Variants in THRB observed in about 807,000 individuals in gnomAD.
The protein encoded by THRB is nuclear receptor subfamily 1 group A member 2.
THRB carries 12 observed loss-of-function variants against 47.8 expected under a neutral mutation model. That is an observed-to-expected ratio of 0.25 (90% CI 0.16 to 0.41). The LOEUF is 0.41. Among genes scored for constraint, THRB ranks in the 10% least tolerant of loss-of-function variants. The probability of loss-of-function intolerance (pLI) is 1.00; values close to 1 mark genes in which losing one functional copy is unlikely to be tolerated. For missense variants in THRB, 348 were observed against 589.2 expected (o/e 0.59, Z 4.24); for synonymous variants, 218 against 212.2 (o/e 1.03, Z -0.24).
intron 2 of THRB, among the ~76,000 whole-genome samples, chr3:24,304,654 G>T (rs1320255724): frequency 3.3e-5 from 5 of 151,904 alleles, no homozygotes; most frequent in Non-Finnish European, 7.4e-5. Flanking sequence ...CCTAAATAAA[G>T]TATGAAGAAG....
intron 1 of THRB, among the ~76,000 whole-genome samples, chr3:24,453,197 TAGCAGCAACAGTTATTAA>T (rs2072838377): frequency 6.6e-6 from 1 of 152,196 alleles, no homozygotes; most frequent in East Asian, 1.9e-4. Context: ...AAACAATTAA[TAGCAGCAACAGTTATTAA>T]AGCATTCACT....
At chr3:24,195,352 T>C (rs777930073) in intron 4 of THRB, among the ~76,000 whole-genome samples, 1 of 152,230 alleles carries the variant, frequency 6.6e-6, no homozygotes, top group Non-Finnish European at 1.5e-5. Flanking sequence ...TATTAACCGA[T>C]ATGTTCTCCT....
intron 3 of THRB, among the ~76,000 whole-genome samples, chr3:24,280,451 A>C (rs1184582355): frequency 6.6e-6 from 1 of 152,182 alleles, no homozygotes; most frequent in Non-Finnish European, 1.5e-5. Flanking sequence ...CACCATCATC[A>C]AAGACCAAAA....
At chr3:24,423,515 C>G (rs1362699569) in intron 1 of THRB, among the ~76,000 whole-genome samples, 1 of 151,648 alleles carries the variant, frequency 6.6e-6, no homozygotes, top group Non-Finnish European at 1.5e-5. Context: ...AAATTTGAAA[C>G]ACAACTTGTT....
chr3:24,174,183 T>C (rs879123326), intron 5 of THRB, among the ~76,000 whole-genome samples: 1 of 152,230 alleles, frequency 6.6e-6, no homozygotes, highest in South Asian at 2.1e-4. Flanking sequence ...TGTAGCCACA[T>C]TTTTTTAATA....
intron 3 of THRB, among the ~76,000 whole-genome samples, chr3:24,280,521 G>T (rs1465646912): frequency 2.0e-5 from 3 of 152,192 alleles, no homozygotes; most frequent in African/African-American, 7.2e-5. Context: ...ACTCTAAAAA[G>T]CAGAGCGCCT....
intron 3 of THRB, among the ~76,000 whole-genome samples, chr3:24,272,290 G>C (rs950393505): frequency 1.3e-5 from 2 of 151,972 alleles, no homozygotes; most frequent in African/African-American, 4.8e-5. Flanking sequence ...AGGCAACAGT[G>C]AGTAGTGATC....
chr3:24,385,229 G>C (rs950458438), intron 1 of THRB, among the ~76,000 whole-genome samples: 3 of 152,078 alleles, frequency 2.0e-5, no homozygotes, highest in African/African-American at 7.2e-5. Context: ...CATTTGAAAT[G>C]CTCAATTTTA....
intron 8 of THRB, among the ~76,000 whole-genome samples, chr3:24,137,891 G>A (rs1189531291): frequency 6.6e-6 from 1 of 152,106 alleles, no homozygotes; most frequent in African/African-American, 2.4e-5. Context: ...GAGGCCTAGA[G>A]AATTACAGTT....
intron 3 of THRB, among the ~76,000 whole-genome samples, chr3:24,271,555 A>AT (rs942961927): frequency 3.6e-4 from 54 of 151,660 alleles, no homozygotes; most frequent in African/African-American, 1.3e-3. Flanking sequence ...TTCTATTATT[A>AT]TTTTTTTTCC....
chr3:24,234,673 C>T (rs1435894493), intron 3 of THRB, among the ~76,000 whole-genome samples: 1 of 152,126 alleles, frequency 6.6e-6, no homozygotes, highest in Non-Finnish European at 1.5e-5. Flanking sequence ...AAGAGCTGAA[C>T]AAGAGGGATA....
intron 1 of THRB, among the ~76,000 whole-genome samples, chr3:24,493,788 TA>T (rs1698561347): frequency 6.6e-6 from 1 of 152,250 alleles, no homozygotes; most frequent in African/African-American, 2.4e-5. Flanking sequence ...TCCCCCTCCT[TA>T]AAATAAATAA....
chr3:24,204,391 A>G (rs983283465), intron 4 of THRB, among the ~76,000 whole-genome samples: 1 of 152,252 alleles, frequency 6.6e-6, no homozygotes, highest in Non-Finnish European at 1.5e-5. Flanking sequence ...CCAGGCAAAC[A>G]GGGTCTAGAG....
At chr3:24,390,327 T>C (rs185775577) in intron 1 of THRB, among the ~76,000 whole-genome samples, 1 of 152,292 alleles carries the variant, frequency 6.6e-6, no homozygotes, top group Non-Finnish European at 1.5e-5. Context: ...TTTCGAACAC[T>C]CCTATGCTTG....
intron 4 of THRB, among the ~76,000 whole-genome samples, chr3:24,227,395 G>A (rs1191793742): frequency 6.6e-6 from 1 of 152,194 alleles, no homozygotes; most frequent in Non-Finnish European, 1.5e-5. Flanking sequence ...TGACGTAGAA[G>A]GAGTGCGATT....
chr3:24,399,066 C>T lies in THRB; in HGVS notation c.-260-61695G>A, dbSNP rs377191512. On this transcript the variant is annotated intron_variant, in intron 1 of 10. Transcript: ENST00000646209. ...ACACAGGAAGGGGAACATCACACAC[C>T]GGGGCCTGTTGTGGGGTGGGGGGAG... 2.9e-4 allele frequency among the ~76,000 whole-genome samples: 42 copies of T among 143,824 alleles called. 2 individuals are homozygous for T. The East Asian group carries it at 4.7e-3, about 16-fold the overall frequency. 94.4% of individuals were successfully genotyped at this position (143,824 alleles called of 152,430 possible).
intron 9 of THRB, among the ~76,000 whole-genome samples, chr3:24,132,614 C>T (rs1458238855): frequency 2.0e-5 from 3 of 152,210 alleles, no homozygotes; most frequent in Non-Finnish European, 4.4e-5. Flanking sequence ...GAGACTGTGG[C>T]ATCAGCCACC....
chr3:24,386,621 T>C (rs2066128332), intron 1 of THRB, among the ~76,000 whole-genome samples: 2 of 152,110 alleles, frequency 1.3e-5, no homozygotes, highest in Admixed American at 1.3e-4. Context: ...AACATCATCA[T>C]ACCTTGGCAA....
intron 1 of THRB, among the ~76,000 whole-genome samples, chr3:24,379,384 G>C (rs2065526759): frequency 6.6e-6 from 1 of 152,040 alleles, no homozygotes; most frequent in African/African-American, 2.4e-5. Flanking sequence ...GAGAGTCAAG[G>C]GTACAAAATC....
Sources: allele counts gnomAD v4.1 joint callset (sites outside exome capture counted in the v4.1 genomes callset), GRCh38; gene constraint gnomAD v4.1.1; transcripts MANE v1.5; gene names NCBI Gene and HGNC (gene_info 2026-07-23, HGNC 2026-07-21).